Variants in ASAP1 observed in about 807,000 individuals in gnomAD.
ASAP1 encodes ArfGAP with SH3 domain, ankyrin repeat and PH domain 1.
A neutral mutation model predicts 145.2 loss-of-function variants in ASAP1; 43 were observed. The ratio of observed to expected loss-of-function variants is 0.30; its 90% CI spans 0.23 to 0.38. The LOEUF is 0.38. ASAP1 is among the 10% of genes least tolerant of loss of function. The probability of loss-of-function intolerance (pLI) is 1.00; values close to 1 mark genes in which losing one functional copy is unlikely to be tolerated. For missense variants in ASAP1, 1,018 were observed against 1,355.3 expected (o/e 0.75, Z 3.91); for synonymous variants, 546 against 515.5 (o/e 1.06, Z -0.80).
intron 24 of ASAP1, among the ~76,000 whole-genome samples, chr8:130,096,574 A>G (rs1294097646): frequency 1.3e-5 from 2 of 152,210 alleles, no homozygotes; most frequent in African/African-American, 4.8e-5. Context: ...CTAGCCTTCC[A>G]AAGCTTCTAT....
intron 4 of ASAP1, among the ~76,000 whole-genome samples, chr8:130,221,731 G>A (rs1266633449): frequency 6.6e-6 from 1 of 152,118 alleles, no homozygotes; most frequent in East Asian, 1.9e-4. Flanking sequence ...GTCAGCCACT[G>A]AACCTTACAG....
intron 18 of ASAP1, 79 bp from the exon 19 acceptor site, chr8:130,118,754 T>A: frequency 9.3e-7 from 1 of 1,079,080 alleles, no homozygotes; most frequent in Non-Finnish European, 1.3e-6. Flanking sequence ...ACATTTCTCT[T>A]TGAGAAGTTA....
intron 24 of ASAP1, among the ~76,000 whole-genome samples, chr8:130,106,245 G>A (rs1014359699): frequency 1.4e-4 from 21 of 152,304 alleles, no homozygotes; most frequent in African/African-American, 3.8e-4. Flanking sequence ...GACAGCCTAT[G>A]AGAAGCTTTA....
Position 130,402,582 on chromosome 8 carries a change from G to A in ASAP1, c.-27-612C>T, listed in dbSNP as rs1828844637. Among the ~76,000 whole-genome samples the A allele has an allele frequency of 2.0e-5, 3 of 152,046 alleles. No homozygotes were observed. In the South Asian group the frequency reaches 6.2e-4, roughly 32 times the overall value. ...GCAGAATAGAGGGAAACAGAGGTGG[G>A]GATATAAAAATAAATTGAGCCAAGG... is the stretch of plus-strand genomic sequence containing the variant. On this transcript the variant is annotated intron_variant, in intron 1 of 29. Coordinates refer to ENST00000518721, the MANE Select transcript of ASAP1 (RefSeq NM_018482.4).
At position 130,285,829 on chromosome 8, in the gene ASAP1, T is replaced by C. The variant is rs149717243; in HGVS notation, c.187-48835A>G. On this transcript the variant is annotated intron_variant, in intron 3 of 29. Transcript: ENST00000518721. The stretch of plus-strand genomic sequence containing the variant: ...GCCTCTGGTTTCTGATGTAACTTTA[T>C]CACGTTCTGTTCCTGCTGAGCGAGT... Among the ~76,000 whole-genome samples the C allele has an allele frequency of 3.0e-4, 46 of 152,358 alleles. No homozygotes were observed. In the East Asian group the frequency reaches 8.3e-3, roughly 27 times the overall value.
chr8:130,352,735 A>G (rs1227169259), intron 3 of ASAP1, among the ~76,000 whole-genome samples: 1 of 152,218 alleles, frequency 6.6e-6, no homozygotes, highest in Non-Finnish European at 1.5e-5. Flanking sequence ...GTAGGGTGAA[A>G]AAAGGTATTA....
chr8:130,179,067 C>A, intron 9 of ASAP1, 197 bp downstream of exon 9: 1 of 443,736 alleles, frequency 2.3e-6, no homozygotes, highest in Non-Finnish European at 4.0e-6. Flanking sequence ...TATTTTTAAG[C>A]CCTAATTTGA....
In ASAP1 at chr8:130,314,379, A is replaced by C. The variant is rs1335801878; in HGVS notation, c.186+43638T>G. ...TGGCACTGAGCTCCTTTTATACAGC[A>C]GTTTATTTAATCTTGAAACATTACA... On this transcript the variant is annotated intron_variant, in intron 3 of 29. Coordinates refer to ENST00000518721, the MANE Select transcript of ASAP1 (RefSeq NM_018482.4). 4.6e-5 allele frequency among the ~76,000 whole-genome samples: 7 copies of C among 152,352 alleles called. No homozygotes were observed. In the South Asian group the frequency reaches 1.4e-3, roughly 32 times the overall value.
intron 2 of ASAP1, among the ~76,000 whole-genome samples, chr8:130,363,538 AC>A (rs1383189491): frequency 2.0e-5 from 3 of 152,116 alleles, no homozygotes; most frequent in African/African-American, 7.2e-5. Flanking sequence ...TACCAGAGAA[AC>A]CTAAGGCTGC....
At chr8:130,243,532 C>T (rs756641777) in intron 3 of ASAP1, among the ~76,000 whole-genome samples, 4 of 152,134 alleles carry the variant, frequency 2.6e-5, no homozygotes, top group Non-Finnish European at 5.9e-5. Flanking sequence ...GCCTGCAAGG[C>T]CCTACGTGAC....
intron 2 of ASAP1, among the ~76,000 whole-genome samples, chr8:130,362,339 C>A (rs535532076): frequency 6.6e-6 from 1 of 152,148 alleles, no homozygotes; most frequent in African/African-American, 2.4e-5. Context: ...CACAGGCTCC[C>A]GATGCCCTCA....
chr8:130,352,005 C>A (rs2138060537), intron 3 of ASAP1, among the ~76,000 whole-genome samples: 1 of 152,308 alleles, frequency 6.6e-6, no homozygotes, highest in South Asian at 2.1e-4. Flanking sequence ...CTGGTTTCAT[C>A]CAGACAAAAC....
chr8:130,152,880 A>G (rs1334194255), intron 12 of ASAP1, 75 bp from the exon 13 acceptor site: 11 of 1,103,790 alleles, frequency 1.0e-5, no homozygotes, highest in Middle Eastern at 2.2e-4. Flanking sequence ...AGTATGATAC[A>G]TAATAATAAT....
At chr8:130,091,486 T>C (rs977863157) in intron 25 of ASAP1, among the ~76,000 whole-genome samples, 1 of 151,664 alleles carries the variant, frequency 6.6e-6, no homozygotes, top group Admixed American at 6.6e-5. Context: ...CAGGAGAGGG[T>C]CTAGGAGATA....
rs559551060 is a variant in ASAP1 at position 130,149,788 on chromosome 8, C to A, written c.1080+2948G>T. Among the ~76,000 whole-genome samples the A allele has an allele frequency of 2.0e-5, 3 of 152,172 alleles. No individual in the cohort carries two copies. The South Asian group carries it at 6.2e-4, about 31-fold the overall frequency. On this transcript the variant is annotated intron_variant, in intron 13 of 29. Coordinates refer to ENST00000518721, the MANE Select transcript of ASAP1 (RefSeq NM_018482.4). ...TGTTTGCAAAGTCAGGAAAAGCCCG[C>A]TAAAACTGGCTAGAGACCTTTCTGT...
At chr8:130,373,849 G>GAAAAAAAAAA (rs1170269915) in intron 2 of ASAP1, among the ~76,000 whole-genome samples, 5 of 50,912 alleles carry the variant, frequency 9.8e-5, no homozygotes, top group Admixed American at 2.8e-4. Flanking sequence ...GGAGTCTCCA[G>GAAAAAAAAAA]AAAAAAAAAA....
rs2097394172 is a variant in ASAP1, at chr8:130,052,107, G to T, written c.*2624C>A. ...CAAAATGGCCTGATTTCAGAAGTTT[G>T]GGATCAACTGAGAATATGTTTATTT... is the stretch of plus-strand genomic sequence containing the variant. On this transcript the variant is annotated 3_prime_UTR_variant, in exon 30 of 30. Coordinates refer to ENST00000518721, the MANE Select transcript of ASAP1 (RefSeq NM_018482.4). 1 of 152,594 alleles carries T rather than the reference G, an allele frequency of 6.6e-6. No individual in the cohort carries two copies. The highest frequency in any genetic ancestry group is 1.5e-5 in the Non-Finnish European group (1 of 68,036). The allele number at this position is 152,594 out of a possible 1,614,324, so 9.5% of individuals were successfully genotyped here.
intron 15 of ASAP1, among the ~76,000 whole-genome samples, 166 bp downstream of exon 15, chr8:130,134,130 C>T (rs892389902): frequency 4.6e-5 from 7 of 152,108 alleles, no homozygotes; most frequent in Admixed American, 4.6e-4. Context: ...AGAGGGAGAA[C>T]CACAGACAGA....
At chr8:130,411,309 C>T (rs969202757) in intron 1 of ASAP1, among the ~76,000 whole-genome samples, 3 of 152,240 alleles carry the variant, frequency 2.0e-5, no homozygotes, top group African/African-American at 7.2e-5. Context: ...CTCTCAGCCA[C>T]CAAGGCACAG....
Sources: gnomAD v4.1 joint callset for allele counts (sites outside exome capture counted in the v4.1 genomes callset) on GRCh38, gnomAD v4.1.1 for gene constraint, MANE v1.5 for transcripts, NCBI Gene and HGNC (gene_info 2026-07-23, HGNC 2026-07-21) for gene names.